ZNF700: variants seen among roughly 807,000 people sequenced by gnomAD.
ZNF700 encodes zinc finger protein 700.
In ZNF700, 38 loss-of-function variants were observed where a neutral mutation model predicts 65.3. That is an observed-to-expected ratio of 0.58 (90% CI 0.45 to 0.76). ZNF700 has a LOEUF of 0.76. Among genes scored for constraint, ZNF700 ranks in the 30% least tolerant of loss-of-function variants. The pLI is 0.00. For synonymous variants in ZNF700, 285 were observed against 290.4 expected (o/e 0.98, Z 0.19); for missense variants, 857 against 888.4 (o/e 0.96, Z 0.45).
intron 1 of ZNF700, among the ~76,000 whole-genome samples, chr19:11,935,227 G>A (rs1599283014): frequency 7.3e-6 from 1 of 136,226 alleles, no homozygotes; most frequent in Non-Finnish European, 1.6e-5. Context: ...TACTTGGAAA[G>A]ATCTTGTTTT....
rs760975029 is a variant in ZNF700, at chr19:11,947,234, A to T, written c.117A>T (p.Thr39=). ...TGAACTTCACCCAGGAAGAGTGGAC[A>T]TTGCTGGATATTTCCCAGAAGAATC... ...VAVNFTQEEW[T]LLDISQKNLF... The change falls in exon 2 of 4, where the codon ACA becomes ACT. Residue 39 remains threonine (T), a synonymous_variant. Transcript: ENST00000254321. 1 of 1,614,094 alleles carries T rather than the reference A, an allele frequency of 6.2e-7. No individual in the cohort carries two copies. The highest frequency in any genetic ancestry group is 1.1e-5 in the South Asian group (1 of 91,060).
chr19:11,925,415 G>C (rs1195058866), intron 1 of ZNF700, 142 bp downstream of exon 1: 7 of 1,367,404 alleles, frequency 5.1e-6, no homozygotes, highest in Non-Finnish European at 6.8e-6. Flanking sequence ...TCGGCCCTCG[G>C]TCCCCTTGGC....
intron 1 of ZNF700, among the ~76,000 whole-genome samples, chr19:11,939,450 C>T (rs1339338059): frequency 6.6e-6 from 1 of 152,150 alleles, no homozygotes; most frequent in African/African-American, 2.4e-5. Context: ...ATATGGCTAG[C>T]CAGTTCTCCC....
At chr19:11,925,739 AC>A (rs1295402267) in intron 1 of ZNF700, among the ~76,000 whole-genome samples, 2 of 152,108 alleles carry the variant, frequency 1.3e-5, no homozygotes, top group African/African-American at 4.8e-5. Flanking sequence ...AATGAGAAAC[AC>A]CCCGTCCTGG....
At position 11,949,432 on chromosome 19, in the gene ZNF700, G is replaced by A; in HGVS notation, c.1408G>A (p.Gly470Arg). Reference protein sequence around the residue: ...HLRVHGRTHTGEKPYECKECG... With the variant: ...HLRVHGRTHTREKPYECKECG... Reference sequence around the variant, plus strand: ...TCGAGTGCATGGTAGGACTCATACTGGAGAGAAACCCTATGAATGTAAGGA... The same window carrying A: ...TCGAGTGCATGGTAGGACTCATACTAGAGAGAAACCCTATGAATGTAAGGA... The change falls in exon 4 of 4, where the codon GGA becomes AGA. Residue 470 changes from glycine (G) to arginine (R), a missense_variant. By Grantham distance (125) the Gly-to-Arg change is moderately radical. Around this residue, in one of 3 missense-constraint regions of ZNF700, gnomAD observed 603 missense variants for 619.9 expected, o/e 0.97. Transcript: ENST00000254321. 1 of 1,613,194 alleles carries A rather than the reference G, an allele frequency of 6.2e-7. No homozygotes were observed.
rs768712763 is a variant in ZNF700, at chr19:11,948,925, A to G, written c.901A>G (p.Met301Val). Residue 301 changes from methionine (M) to valine (V), a missense_variant, in exon 4 of 4, where the codon ATG becomes GTG. Met to Val is a conservative substitution (Grantham distance 21, BLOSUM62 1). This residue lies in a region of ZNF700 where 603 missense variants were observed against 619.9 expected (regional missense o/e 0.97). Transcript: ENST00000254321. ...CTATCATAGACATGAAAGAAGTCACATGGGAGAGAAGCCTTATCAATGCAA... is the reference window on the plus strand; with the variant it reads ...CTATCATAGACATGAAAGAAGTCACGTGGGAGAGAAGCCTTATCAATGCAA... ...SSYHRHERSHMGEKPYQCKEC... is the reference protein window; with the variant it reads ...SSYHRHERSHVGEKPYQCKEC... 7 of 1,607,372 alleles carry G rather than the reference A, an allele frequency of 4.4e-6. 1 individual carries two copies. In the South Asian group the frequency reaches 5.6e-5, roughly 13 times the overall value.
At chr19:11,947,805 A>G (rs1972985217) in intron 3 of ZNF700, among the ~76,000 whole-genome samples, 1 of 152,222 alleles carries the variant, frequency 6.6e-6, no homozygotes, top group Non-Finnish European at 1.5e-5. Flanking sequence ...CATCAGTTCC[A>G]GAACAGCCTG....
At chr19:11,947,675 A>G (rs1972983004) in intron 3 of ZNF700, 101 bp downstream of exon 3, 1 of 1,143,500 alleles carries the variant, frequency 8.7e-7, no homozygotes, top group Non-Finnish European at 1.3e-6. Flanking sequence ...TCCAGCATCA[A>G]ATTCATTTCT....
chr19:11,927,422 TTAAATAAATAAATAAATAAATAAA>T (rs57120234), intron 1 of ZNF700, among the ~76,000 whole-genome samples: 10 of 143,040 alleles, frequency 7.0e-5, no homozygotes, highest in African/African-American at 2.6e-4. Flanking sequence ...CTGTCTCTAT[TTAAATAAATAAATAAATAAATAAA>T]TAAATAAATA....
chr19:11,932,859 A>T (rs1384586687), intron 1 of ZNF700, among the ~76,000 whole-genome samples: 1 of 147,770 alleles, frequency 6.8e-6, no homozygotes, highest in Non-Finnish European at 1.5e-5. Context: ...GGATGGTCTC[A>T]ATATCCTGAC....
At position 11,934,903 on chromosome 19, in the gene ZNF700, G is replaced by A. The variant is rs573897741; in HGVS notation, c.63+9630G>A. ...TTTGCCATAATTACAGTCTTTGGTC[G>A]GGTGCGGTGGCTCACGCCTGTAATC... On this transcript the variant is annotated intron_variant, in intron 1 of 3. Coordinates refer to ENST00000254321, the MANE Select transcript of ZNF700 (RefSeq NM_144566.3). Among the ~76,000 whole-genome samples, 9 of 147,536 alleles carry A rather than the reference G, an allele frequency of 6.1e-5. 1 individual carries two copies. The highest frequency in any genetic ancestry group is 2.7e-4 in the Admixed American group (4 of 15,064).
At chr19:11,940,506 T>C (rs981215781) in intron 1 of ZNF700, among the ~76,000 whole-genome samples, 6 of 152,154 alleles carry the variant, frequency 3.9e-5, no homozygotes, top group African/African-American at 1.4e-4. Context: ...CTGGAGTTCT[T>C]CGTTCCTCCT....
rs1183157443 is a variant in ZNF700, at chr19:11,934,061, G to A, written c.63+8788G>A. ...ATTCACCTACTGAAAGGCTCATCTT[G>A]AGCCTGGTGTGATGCCTCATCCCTA... On this transcript the variant is annotated intron_variant, in intron 1 of 3. Transcript: ENST00000254321. Among the ~76,000 whole-genome samples the A allele has an allele frequency of 7.5e-5, 11 of 147,610 alleles. 1 individual carries two copies. The highest frequency in any genetic ancestry group is 1.6e-4 in the Non-Finnish European group (11 of 67,898).
chr19:11,939,064 G>A (rs187350511), intron 1 of ZNF700, among the ~76,000 whole-genome samples: 1,610 of 152,194 alleles, frequency 0.011, 19 homozygotes, highest in Non-Finnish European at 0.012. Context: ...CCCACTTTTT[G>A]ATGGGGTTGT....
Position 11,949,556 on chromosome 19 carries a change from G to T in ZNF700, c.1532G>T (p.Ser511Ile), listed in dbSNP as rs770114508. The T allele has an allele frequency of 6.2e-7, 1 of 1,606,408 alleles. No homozygotes were observed. The highest frequency in any genetic ancestry group is 8.5e-7 in the Non-Finnish European group (1 of 1,177,636). Residue 511 changes from serine to isoleucine, a missense_variant, in exon 4 of 4, where the codon AGT (serine) becomes ATT (isoleucine). By Grantham distance (142) the Ser-to-Ile change is moderately radical. This residue lies in a region of ZNF700 where 603 missense variants were observed against 619.9 expected (regional missense o/e 0.97). Transcript: ENST00000254321. ...MPSGERPYKC[S>I]ICEKGFYSAK... is the part of the protein sequence containing the mutation. ...TCTGGAGAAAGACCTTATAAATGTA[G>T]TATATGTGAGAAAGGCTTTTATTCT...
At chr19:11,936,214 T>C (rs572424364) in intron 1 of ZNF700, among the ~76,000 whole-genome samples, 1 of 152,224 alleles carries the variant, frequency 6.6e-6, no homozygotes, top group African/African-American at 2.4e-5. Context: ...GTAGTGGGAT[T>C]GCTGGGTCAA....
At chr19:11,928,105 G>A (rs529153214) in intron 1 of ZNF700, among the ~76,000 whole-genome samples, 22 of 151,772 alleles carry the variant, frequency 1.4e-4, no homozygotes, top group African/African-American at 5.1e-4. Context: ...AAGCACCTCC[G>A]CCTCTCAAGT....
intron 1 of ZNF700, chr19:11,946,957 C>T: frequency 2.1e-5 from 18 of 873,500 alleles, no homozygotes; most frequent in Non-Finnish European, 2.8e-5. Context: ...CATTGTACTC[C>T]AGCCTGGGCA....
At chr19:11,927,829 G>A (rs183567285) in intron 1 of ZNF700, among the ~76,000 whole-genome samples, 2 of 152,146 alleles carry the variant, frequency 1.3e-5, no homozygotes, top group Non-Finnish European at 2.9e-5. Flanking sequence ...TGTGATCATG[G>A]GTTGTGACTG....
Sources: allele counts gnomAD v4.1 joint callset (sites outside exome capture counted in the v4.1 genomes callset), GRCh38; gene constraint gnomAD v4.1.1; regional missense constraint gnomAD v4.1.1; transcripts MANE v1.5; gene names NCBI Gene and HGNC (gene_info 2026-07-23, HGNC 2026-07-21).